DPP6: variants seen among roughly 807,000 people sequenced by gnomAD.
The protein encoded by DPP6 is A-type potassium channel modulatory protein DPP6.
DPP6 carries 69 observed loss-of-function variants against 122.6 expected under a neutral mutation model. The observed-to-expected ratio is 0.56, with a 90% CI of 0.46 to 0.69. The LOEUF (loss-of-function observed/expected upper bound fraction) is 0.69. Among genes scored for constraint, DPP6 ranks in the 30% least tolerant of loss-of-function variants. The pLI is 0.00. For missense variants in DPP6, 928 were observed against 1,116.9 expected (o/e 0.83, Z 2.41); for synonymous variants, 418 against 433.1 (o/e 0.97, Z 0.43).
chr7:154,168,998 A>G (rs1426253143), intron 1 of DPP6, among the ~76,000 whole-genome samples: 5 of 152,318 alleles, frequency 3.3e-5, no homozygotes, highest in South Asian at 4.1e-4. Context: ...AAAACAAAGC[A>G]AAGCTGTGGA....
chr7:153,871,132 A>G, the DPP6 span, among the ~76,000 whole-genome samples: 1 of 152,224 alleles, frequency 6.6e-6, no homozygotes. Flanking sequence ...GCCCATTCTC[A>G]GATCCCAAGC....
intron 8 of DPP6, among the ~76,000 whole-genome samples, chr7:154,766,112 G>T (rs148897215): frequency 6.6e-6 from 1 of 152,148 alleles, no homozygotes; most frequent in African/African-American, 2.4e-5. Context: ...GGCAAGGAGC[G>T]ATGTGTTCAA....
intron 3 of DPP6, among the ~76,000 whole-genome samples, chr7:154,505,879 C>T (rs1431474548): frequency 6.6e-6 from 1 of 152,154 alleles, no homozygotes; most frequent in Non-Finnish European, 1.5e-5. Flanking sequence ...GCATAGCCCT[C>T]ACTTGGAGTG....
intron 5 of DPP6, among the ~76,000 whole-genome samples, chr7:154,583,408 C>T (rs1832215231): frequency 1.3e-5 from 2 of 152,242 alleles, no homozygotes; most frequent in East Asian, 1.9e-4. Flanking sequence ...GTTCCACAGG[C>T]CCTGGCTGCC....
chr7:154,669,115 G>A (rs1838383205), intron 6 of DPP6, among the ~76,000 whole-genome samples: 1 of 152,140 alleles, frequency 6.6e-6, no homozygotes, highest in Admixed American at 6.6e-5. Flanking sequence ...CTCTTAATGA[G>A]TATTTACTAT....
intron 1 of DPP6, among the ~76,000 whole-genome samples, chr7:154,445,029 A>T (rs1430388598): frequency 1.3e-5 from 2 of 152,266 alleles, no homozygotes; most frequent in Non-Finnish European, 2.9e-5. Flanking sequence ...TCTTAATTTA[A>T]TAACAAATAT....
the DPP6 span, among the ~76,000 whole-genome samples, chr7:153,855,539 GA>G: frequency 6.6e-6 from 1 of 152,088 alleles, no homozygotes; most frequent in Non-Finnish European, 1.5e-5. Flanking sequence ...ATTAATTTTG[GA>G]AATTCTCTAT....
At chr7:153,988,440 A>G (rs986359544) in intron 1 of DPP6, among the ~76,000 whole-genome samples, 7 of 152,132 alleles carry the variant, frequency 4.6e-5, no homozygotes, top group Admixed American at 2.0e-4. Context: ...TGTGTGTGCA[A>G]AGGGCAAAGA....
intron 1 of DPP6, among the ~76,000 whole-genome samples, chr7:154,268,026 G>A (rs1803552738): frequency 6.6e-6 from 1 of 151,952 alleles, no homozygotes; most frequent in Admixed American, 6.6e-5. Context: ...ACGAACAAAA[G>A]CTCTTTGGGG....
At chr7:154,784,184 G>A (rs1040206508) in intron 10 of DPP6, among the ~76,000 whole-genome samples, 1 of 152,012 alleles carries the variant, frequency 6.6e-6, no homozygotes, top group Non-Finnish European at 1.5e-5. Flanking sequence ...TCCAAGCTTC[G>A]ACAGCAGCCT....
intron 1 of DPP6, among the ~76,000 whole-genome samples, chr7:154,308,775 CTG>C (rs1806593273): frequency 6.6e-6 from 1 of 152,174 alleles, no homozygotes; most frequent in South Asian, 2.1e-4. Context: ...GTAGTACATA[CTG>C]TCTCCATTTC....
At chr7:154,583,506 C>G (rs1057027120) in intron 5 of DPP6, among the ~76,000 whole-genome samples, 1 of 152,142 alleles carries the variant, frequency 6.6e-6, no homozygotes, top group Non-Finnish European at 1.5e-5. Flanking sequence ...ATCTTCTCTT[C>G]TCTTGCGCAC....
the DPP6 span, among the ~76,000 whole-genome samples, chr7:153,775,787 G>A: frequency 6.6e-6 from 1 of 152,152 alleles, no homozygotes; most frequent in Non-Finnish European, 1.5e-5. Context: ...TGTTCTAGCA[G>A]TGCATATGGT....
chr7:154,341,351 G>A (rs1020631125), intron 1 of DPP6, among the ~76,000 whole-genome samples: 11 of 152,104 alleles, frequency 7.2e-5, no homozygotes, highest in African/African-American at 1.9e-4. Flanking sequence ...TGGAGAGGTG[G>A]TTATGTAGGA....
chr7:153,997,324 G>A (rs746706042), intron 1 of DPP6, among the ~76,000 whole-genome samples: 71 of 152,272 alleles, frequency 4.7e-4, no homozygotes, highest in Non-Finnish European at 3.7e-4. Flanking sequence ...ACTTTTCTGA[G>A]CCAAGGTCAA....
chr7:154,328,068 C>T (rs772337086), intron 1 of DPP6, among the ~76,000 whole-genome samples: 9 of 152,156 alleles, frequency 5.9e-5, no homozygotes, highest in Non-Finnish European at 8.8e-5. Context: ...GTCCTCCCCA[C>T]GTCTGTGAGC....
intron 1 of DPP6, among the ~76,000 whole-genome samples, chr7:153,961,468 G>A (rs1261088359): frequency 6.6e-6 from 1 of 150,534 alleles, no homozygotes; most frequent in Non-Finnish European, 1.5e-5. Context: ...GCTGCTGTCT[G>A]TGAGTTTATC....
chr7:154,630,175 C>T (rs1563034677), intron 5 of DPP6, among the ~76,000 whole-genome samples: 1 of 152,152 alleles, frequency 6.6e-6, no homozygotes, highest in Non-Finnish European at 1.5e-5. Flanking sequence ...ATAGTAGTAG[C>T]TGTGTCCTAC....
chr7:154,305,353 C>G, intron 1 of DPP6: 1 of 1,015,926 alleles, frequency 9.8e-7, no homozygotes, highest in East Asian at 8.4e-5. Context: ...CTCCCTCCCC[C>G]ATCCTCCCCA....
Sources: allele counts gnomAD v4.1 joint callset (sites outside exome capture counted in the v4.1 genomes callset), GRCh38; gene constraint gnomAD v4.1.1; transcripts MANE v1.5; gene names NCBI Gene and HGNC (gene_info 2026-07-23, HGNC 2026-07-21).